HS3ST2: variants seen among roughly 807,000 people sequenced by gnomAD.
The protein encoded by HS3ST2 is heparan sulfate-glucosamine 3-sulfotransferase 2.
In HS3ST2, 17 loss-of-function variants were observed where a neutral mutation model predicts 26.3. The observed-to-expected ratio is 0.65, with a 90% CI of 0.44 to 0.97. HS3ST2 has a LOEUF of 0.97. Ranked by LOEUF, HS3ST2 falls within the 50% of genes least tolerant of loss-of-function variation. The pLI is 0.00. For synonymous variants in HS3ST2, 237 were observed against 219.2 expected (o/e 1.08, Z -0.72); for missense variants, 402 against 501.2 (o/e 0.80, Z 1.89).
intron 1 of HS3ST2, among the ~76,000 whole-genome samples, chr16:22,883,182 C>T (rs1902014974): frequency 6.6e-6 from 1 of 152,154 alleles, no homozygotes; most frequent in Non-Finnish European, 1.5e-5. Context: ...CCATTCTTGC[C>T]TCTGAGAACC....
chr16:22,884,936 A>G (rs929626830), intron 1 of HS3ST2, among the ~76,000 whole-genome samples: 1 of 150,294 alleles, frequency 6.7e-6, no homozygotes, highest in African/African-American at 2.5e-5. Flanking sequence ...CACCTCCCCA[A>G]TTCAAGCGAT....
Position 22,895,152 on chromosome 16 carries a change from T to A in HS3ST2, c.486-19792T>A, listed in dbSNP as rs370664485. ...TTGCCCAGACTGGAGTGCAGTGGCA[T>A]GATCTCAGCCCACTGCAACCTCCAC... On this transcript the variant is annotated intron_variant, in intron 1 of 1. Coordinates refer to ENST00000261374, the MANE Select transcript of HS3ST2 (RefSeq NM_006043.2). 4.6e-5 allele frequency among the ~76,000 whole-genome samples: 7 copies of A among 151,640 alleles called. No individual in the cohort carries two copies. The East Asian group carries it at 1.4e-3, about 30-fold the overall frequency.
chr16:22,888,393 C>CTTT (rs752179930), intron 1 of HS3ST2, among the ~76,000 whole-genome samples: 2 of 91,424 alleles, frequency 2.2e-5, no homozygotes, highest in Non-Finnish European at 4.5e-5. Context: ...TTTTTTTTTT[C>CTTT]TTTTTTTTTT....
intron 1 of HS3ST2, among the ~76,000 whole-genome samples, chr16:22,822,821 T>C (rs1018300933): frequency 1.3e-5 from 2 of 150,364 alleles, no homozygotes; most frequent in African/African-American, 2.5e-5. Flanking sequence ...CACCACTGCA[T>C]TCCAGCCTGG....
intron 1 of HS3ST2, among the ~76,000 whole-genome samples, chr16:22,906,303 G>T (rs1446841826): frequency 1.3e-5 from 2 of 151,984 alleles, no homozygotes; most frequent in East Asian, 3.9e-4. Flanking sequence ...CCTGGGAGGT[G>T]GAAGTGGCAG....
intron 1 of HS3ST2, among the ~76,000 whole-genome samples, chr16:22,874,201 T>C (rs1429779409): frequency 1.3e-5 from 2 of 152,152 alleles, no homozygotes; most frequent in African/African-American, 4.8e-5. Flanking sequence ...AACTGTTCCT[T>C]CAACTTCTAG....
rs1303453579 is a variant in HS3ST2 at position 22,915,687 on chromosome 16, A to G, written c.*125A>G. 3 of 1,054,466 alleles carry G rather than the reference A, an allele frequency of 2.8e-6. No homozygotes were observed. The highest frequency in any genetic ancestry group is 1.6e-5 in the African/African-American group (1 of 62,336). 65.3% of individuals were successfully genotyped at this position (1,054,466 alleles called of 1,614,324 possible). A position where few individuals can be genotyped will look rare whatever the true frequency, so the allele number is the denominator to read the frequency against. On this transcript the variant is annotated 3_prime_UTR_variant, in exon 2 of 2. Coordinates refer to ENST00000261374, the MANE Select transcript of HS3ST2 (RefSeq NM_006043.2). ...AGCCCCCTTTCCCAACTTGAGTTGC[A>G]TCATCTTGGAACCAGGAAGCCCAGC... is the stretch of plus-strand genomic sequence containing the variant.
Position 22,914,903 on chromosome 16 carries a change from AG to A in HS3ST2, c.486-38del, listed in dbSNP as rs571057047. On this transcript the variant is annotated intron_variant, in intron 1 of 1. Transcript: ENST00000261374. ...GTAGCTGGGCCTGAGGCCTGGCCCC[AG>A]GGAAACCTATTTGATGATGTATTCC... 4,216 of 1,564,606 alleles carry A rather than the reference AG, an allele frequency of 2.7e-3. 8 individuals are homozygous for A. The highest frequency in any genetic ancestry group is 3.4e-3 in the Non-Finnish European group (3,921 of 1,160,850).
At chr16:22,885,404 A>AC (rs1167854105) in intron 1 of HS3ST2, among the ~76,000 whole-genome samples, 19 of 150,692 alleles carry the variant, frequency 1.3e-4, no homozygotes, top group Admixed American at 8.6e-4. Flanking sequence ...CTGCTAGAGG[A>AC]CCTCACTCTA....
intron 1 of HS3ST2, among the ~76,000 whole-genome samples, chr16:22,831,769 A>G (rs1280530350): frequency 1.3e-5 from 2 of 152,160 alleles, no homozygotes; most frequent in East Asian, 1.9e-4. Context: ...CAGAGAACAA[A>G]TCAGTAGTTC....
chr16:22,900,645 G>A (rs979598811), intron 1 of HS3ST2, among the ~76,000 whole-genome samples: 1 of 152,056 alleles, frequency 6.6e-6, no homozygotes, highest in South Asian at 2.1e-4. Flanking sequence ...ACTGAAGTGT[G>A]TATGGAGAAA....
intron 1 of HS3ST2, among the ~76,000 whole-genome samples, chr16:22,862,997 G>T (rs1166370575): frequency 6.6e-6 from 1 of 152,184 alleles, no homozygotes; most frequent in African/African-American, 2.4e-5. Context: ...CAGGTTCCAG[G>T]GGTTAGGACC....
chr16:22,885,651 TC>T lies in HS3ST2; in HGVS notation c.486-29292del, dbSNP rs1902049815. 2.6e-5 allele frequency among the ~76,000 whole-genome samples: 4 copies of T among 152,162 alleles called. No individual in the cohort carries two copies. In the South Asian group the frequency reaches 8.3e-4, roughly 32 times the overall value. On this transcript the variant is annotated intron_variant, in intron 1 of 1. Coordinates refer to ENST00000261374, the MANE Select transcript of HS3ST2 (RefSeq NM_006043.2). ...TTGTATTTTTAATAGAGACGGGCCT[TC>T]ACCGTGTTGGCCAGGCTGGTCTCAA... is the stretch of plus-strand genomic sequence containing the variant.
At chr16:22,904,890 G>A (rs534126493) in intron 1 of HS3ST2, among the ~76,000 whole-genome samples, 7 of 152,328 alleles carry the variant, frequency 4.6e-5, no homozygotes, top group Admixed American at 2.6e-4. Flanking sequence ...ATGGTCCCAC[G>A]GTATGAGAGG....
chr16:22,907,866 A>T (rs528340837), intron 1 of HS3ST2, among the ~76,000 whole-genome samples: 1 of 152,310 alleles, frequency 6.6e-6, no homozygotes, highest in Non-Finnish European at 1.5e-5. Context: ...GCCCGGCTGC[A>T]GTGGCTCACA....
chr16:22,821,417 A>C (rs1185408877), intron 1 of HS3ST2, among the ~76,000 whole-genome samples: 1 of 151,340 alleles, frequency 6.6e-6, no homozygotes, highest in Non-Finnish European at 1.5e-5. Context: ...TCATTCCTGT[A>C]TGATCGAGTG....
At chr16:22,862,814 A>AT (rs1359371714) in intron 1 of HS3ST2, among the ~76,000 whole-genome samples, 1 of 152,196 alleles carries the variant, frequency 6.6e-6, no homozygotes, top group African/African-American at 2.4e-5. Context: ...TCCTACGGGG[A>AT]TGAAGGGGGC....
chr16:22,887,841 C>T (rs977096211), intron 1 of HS3ST2, among the ~76,000 whole-genome samples: 3 of 151,738 alleles, frequency 2.0e-5, no homozygotes, highest in African/African-American at 7.3e-5. Flanking sequence ...CCCAGCTACT[C>T]GGGAGGCTAA....
chr16:22,911,695 A>T (rs527632039), intron 1 of HS3ST2, among the ~76,000 whole-genome samples: 1 of 150,110 alleles, frequency 6.7e-6, no homozygotes, highest in Non-Finnish European at 1.5e-5. Flanking sequence ...TTCCTGTGTG[A>T]CTCTTCTTCC....
Sources: allele counts gnomAD v4.1 joint callset (sites outside exome capture counted in the v4.1 genomes callset), GRCh38; gene constraint gnomAD v4.1.1; transcripts MANE v1.5; gene names NCBI Gene and HGNC (gene_info 2026-07-23, HGNC 2026-07-21).